The following FNIP2 variants were observed in gnomAD, a reference collection of about 807,000 sequenced individuals.
FNIP2 encodes the protein folliculin interacting protein 2.
A neutral mutation model predicts 108.7 loss-of-function variants in FNIP2; 32 were observed. The observed-to-expected ratio is 0.29, with a 90% CI of 0.22 to 0.40. The LOEUF is 0.40. Ranked by LOEUF, FNIP2 falls within the 10% of genes least tolerant of loss-of-function variation. The pLI is 1.00. For synonymous variants in FNIP2, 480 were observed against 496.7 expected (o/e 0.97, Z 0.45); for missense variants, 1,202 against 1,381.6 (o/e 0.87, Z 2.06).
intron 1 of FNIP2, among the ~76,000 whole-genome samples, chr4:158,807,648 C>T (rs924163627): frequency 2.6e-5 from 4 of 151,950 alleles, no homozygotes; most frequent in African/African-American, 9.7e-5. Context: ...GTTTTTGTCA[C>T]GTAAAAATCT....
intron 14 of FNIP2, chr4:158,872,462 A>G: frequency 4.1e-6 from 4 of 985,258 alleles, no homozygotes; most frequent in Non-Finnish European, 4.8e-6. Context: ...AGCTTTTCTC[A>G]TTTCTTTATG....
intron 1 of FNIP2, among the ~76,000 whole-genome samples, chr4:158,776,456 T>C (rs1560747846): frequency 6.6e-6 from 1 of 152,198 alleles, no homozygotes. Context: ...CTCTCTGATA[T>C]GCCTGGAAAA....
At chr4:158,873,660 T>C (rs1048534459) in intron 14 of FNIP2, among the ~76,000 whole-genome samples, 2 of 152,268 alleles carry the variant, frequency 1.3e-5, no homozygotes, top group African/African-American at 4.8e-5. Flanking sequence ...TCAATTTTCA[T>C]TTTTATTACT....
At chr4:158,807,937 A>G (rs1301196349) in intron 1 of FNIP2, among the ~76,000 whole-genome samples, 1 of 152,086 alleles carries the variant, frequency 6.6e-6, no homozygotes, top group Non-Finnish European at 1.5e-5. Flanking sequence ...CTTTTATACT[A>G]TCTGTTTTTA....
chr4:158,843,103 T>G (rs1779214511), intron 7 of FNIP2, among the ~76,000 whole-genome samples: 1 of 152,206 alleles, frequency 6.6e-6, no homozygotes, highest in Non-Finnish European at 1.5e-5. Context: ...AGTGTCATAT[T>G]ACAGTAAACA....
At chr4:158,786,396 G>A (rs1014953781) in intron 1 of FNIP2, among the ~76,000 whole-genome samples, 1 of 152,082 alleles carries the variant, frequency 6.6e-6, no homozygotes, top group African/African-American at 2.4e-5. Flanking sequence ...TAGTAAAAAC[G>A]TTAATTGCAC....
intron 7 of FNIP2, among the ~76,000 whole-genome samples, chr4:158,841,140 A>T (rs1779109379): frequency 6.6e-6 from 1 of 152,154 alleles, no homozygotes; most frequent in African/African-American, 2.4e-5. Context: ...TACTCACATA[A>T]TGAGGCTGTT....
At chr4:158,814,512 C>T (rs2126520629) in intron 1 of FNIP2, among the ~76,000 whole-genome samples, 1 of 152,298 alleles carries the variant, frequency 6.6e-6, no homozygotes, top group East Asian at 1.9e-4. Flanking sequence ...AAACACCAGA[C>T]CTTCTGGAAT....
chr4:158,904,451 T>C lies in FNIP2; in HGVS notation c.3267-15T>C. ...CTCTTTTAAAGTAATATTCTTTTCT[T>C]TTCTCAATATTCAGGATTGAATCCA... On this transcript the variant is annotated splice_polypyrimidine_tract_variant and intron_variant, in intron 16 of 16. Coordinates refer to ENST00000264433, the MANE Select transcript of FNIP2 (RefSeq NM_020840.3). 1.9e-6 allele frequency: 3 copies of C among 1,603,180 alleles called. No individual in the cohort carries two copies. The highest frequency in any genetic ancestry group is 2.6e-6 in the Non-Finnish European group (3 of 1,171,226).
At chr4:158,882,006 G>T (rs1036050588) in intron 14 of FNIP2, among the ~76,000 whole-genome samples, 2 of 151,480 alleles carry the variant, frequency 1.3e-5, no homozygotes, top group African/African-American at 4.9e-5. Context: ...AGGAAGTGAG[G>T]AGTGTCTCTG....
intron 1 of FNIP2, among the ~76,000 whole-genome samples, chr4:158,794,197 C>T (rs1425188982): frequency 2.0e-5 from 3 of 152,030 alleles, no homozygotes; most frequent in Non-Finnish European, 4.4e-5. Context: ...CTCTGTGGCC[C>T]GCTGGAGTGC....
intron 16 of FNIP2, among the ~76,000 whole-genome samples, chr4:158,896,072 C>T (rs1044928028): frequency 2.6e-5 from 4 of 152,134 alleles, no homozygotes; most frequent in African/African-American, 9.7e-5. Context: ...TACAATCAAT[C>T]GCAGGACTTT....
At chr4:158,833,392 G>A in intron 5 of FNIP2, 136 bp from the exon 6 acceptor site, 1 of 584,706 alleles carries the variant, frequency 1.7e-6, no homozygotes, top group Middle Eastern at 2.7e-4. Flanking sequence ...GTAGATGTGA[G>A]ACTTTGTTTA....
At chr4:158,833,852 G>A (rs1778623416) in intron 6 of FNIP2, 1 of 1,487,586 alleles carries the variant, frequency 6.7e-7, no homozygotes. Context: ...GCTGAAGGAG[G>A]ACCTCTCCGG....
intron 1 of FNIP2, among the ~76,000 whole-genome samples, chr4:158,825,126 A>T (rs1432951189): frequency 6.6e-6 from 1 of 152,246 alleles, no homozygotes; most frequent in African/African-American, 2.4e-5. Flanking sequence ...TGCCTGGAAC[A>T]TCACAGACAC....
At chr4:158,815,973 C>T (rs1035064889) in intron 1 of FNIP2, among the ~76,000 whole-genome samples, 6 of 152,176 alleles carry the variant, frequency 3.9e-5, no homozygotes, top group Admixed American at 2.6e-4. Flanking sequence ...TGTTTCCAAA[C>T]AGTGCTGCAG....
chr4:158,889,958 T>C (rs1782201934), intron 14 of FNIP2: 3 of 985,268 alleles, frequency 3.0e-6, no homozygotes, highest in African/African-American at 3.5e-5. Context: ...TTTTGGAGAC[T>C]GTATATATGC....
chr4:158,787,133 C>A (rs1248083162), intron 1 of FNIP2, among the ~76,000 whole-genome samples: 1 of 152,074 alleles, frequency 6.6e-6, no homozygotes. Context: ...TATTTTCAGC[C>A]CCCATGAGTG....
intron 7 of FNIP2, among the ~76,000 whole-genome samples, chr4:158,850,930 A>G (rs1188732824): frequency 1.3e-5 from 2 of 151,774 alleles, no homozygotes; most frequent in Non-Finnish European, 2.9e-5. Flanking sequence ...TGTGACTCTT[A>G]TTTCGTTTAA....
Sources: allele counts gnomAD v4.1 joint callset (sites outside exome capture counted in the v4.1 genomes callset), GRCh38; gene constraint gnomAD v4.1.1; transcripts MANE v1.5; gene names NCBI Gene and HGNC (gene_info 2026-07-23, HGNC 2026-07-21).